Variants in FKBP7 observed in about 807,000 individuals in gnomAD.
The protein encoded by FKBP7 is FKBP prolyl isomerase 7, also known as peptidyl-prolyl cis-trans isomerase FKBP7.
In FKBP7, 24 loss-of-function variants were observed where a neutral mutation model predicts 24.3. The ratio of observed to expected loss-of-function variants is 0.99; its 90% CI spans 0.72 to 1.39. FKBP7 has a LOEUF of 1.39. Among genes scored for constraint, FKBP7 ranks in the 40% most tolerant of loss-of-function variants. FKBP7 has a pLI of 0.00. For synonymous variants in FKBP7, 98 were observed against 92.8 expected (o/e 1.06, Z -0.32); for missense variants, 257 against 269.5 (o/e 0.95, Z 0.33).
intron 3 of FKBP7, among the ~76,000 whole-genome samples, chr2:178,466,930 C>T (rs1684679478): frequency 6.6e-6 from 1 of 152,098 alleles, no homozygotes; most frequent in South Asian, 2.1e-4. Flanking sequence ...CAATACATAT[C>T]CCAGGGTCAA....
At chr2:178,469,865 T>C (rs1401565848) in intron 2 of FKBP7, 80 bp from the exon 3 acceptor site, 11 of 1,136,680 alleles carry the variant, frequency 9.7e-6, no homozygotes, top group Non-Finnish European at 1.3e-5. Context: ...ATAACCATAT[T>C]ATATTATTTC....
chr2:178,477,288 T>C, intron 1 of FKBP7, 75 bp from the exon 2 acceptor site: 1 of 1,466,604 alleles, frequency 6.8e-7, no homozygotes, highest in South Asian at 1.2e-5. Context: ...GCATTTAAAA[T>C]TGGAGTCCTC....
chr2:178,470,887 A>G (rs1397199055), intron 2 of FKBP7, among the ~76,000 whole-genome samples: 1 of 151,830 alleles, frequency 6.6e-6, no homozygotes. Flanking sequence ...ATTTTTATTT[A>G]TTTTTTTTGA....
intron 1 of FKBP7, 74 bp downstream of exon 1, chr2:178,478,205 T>C: frequency 2.6e-6 from 4 of 1,550,400 alleles, no homozygotes; most frequent in Admixed American, 3.7e-5. Flanking sequence ...AACCAACCAA[T>C]GAGGCTTCCG....
chr2:178,472,266 G>T (rs1212293393), intron 2 of FKBP7, among the ~76,000 whole-genome samples: 1 of 151,704 alleles, frequency 6.6e-6, no homozygotes, highest in East Asian at 1.9e-4. Context: ...GTAGATACGG[G>T]GTTTCACTAT....
rs878893301 is a variant in FKBP7 at position 178,469,879 on chromosome 2, TTGA to T, written c.374-97_374-95del. The T allele has an allele frequency of 1.5e-5, 14 of 955,424 alleles. No homozygotes were observed. In the South Asian group the frequency reaches 2.9e-4, roughly 20 times the overall value. 59.2% of individuals were successfully genotyped at this position (955,424 alleles called of 1,614,324 possible). ...CATAACCATATTATATTATTTCATG[TTGA>T]TAAGAATTGCTATCTGAATACTCAC... On this transcript the variant is annotated intron_variant, in intron 2 of 3. Transcript: ENST00000424785.
At chr2:178,469,530 C>T in intron 3 of FKBP7, 122 bp downstream of exon 3, 1 of 998,650 alleles carries the variant, frequency 1.0e-6, no homozygotes. Flanking sequence ...TAGTGACCAG[C>T]TCTATAAAAG....
At chr2:178,474,918 G>A (rs1247627178) in intron 2 of FKBP7, among the ~76,000 whole-genome samples, 1 of 152,052 alleles carries the variant, frequency 6.6e-6, no homozygotes, top group Admixed American at 6.5e-5. Flanking sequence ...AGACTCCTGG[G>A]CTCAAGTGAT....
chr2:178,469,038 T>C (rs1282881860), intron 3 of FKBP7, among the ~76,000 whole-genome samples: 1 of 151,812 alleles, frequency 6.6e-6, no homozygotes, highest in Non-Finnish European at 1.5e-5. Flanking sequence ...CTGGCTAATT[T>C]ATTAAATCTT....
chr2:178,478,482 A>G lies in FKBP7; in HGVS notation c.18T>C (p.His6=). MPKTM[H]FLFRFIVFFY... is the part of the protein sequence containing the mutation. ...AGAAAACAATGAATCTGAATAAGAA[A>G]TGCATGGTTTTTGGCATCGGCTCCA... is the stretch of plus-strand genomic sequence containing the variant. The change falls in exon 1 of 4, where the codon CAT becomes CAC. Residue 6 remains histidine, a synonymous_variant. Coordinates refer to ENST00000424785, the MANE Select transcript of FKBP7 (RefSeq NM_181342.3). The G allele has an allele frequency of 6.2e-7, 1 of 1,614,110 alleles. No homozygotes were observed.
intron 3 of FKBP7, 43 bp from the exon 4 acceptor site, chr2:178,465,974 A>C: frequency 6.7e-7 from 1 of 1,501,500 alleles, no homozygotes; most frequent in Non-Finnish European, 8.9e-7. Flanking sequence ...AAGGTATCAC[A>C]GTGAATTTCC....
At chr2:178,477,600 T>C (rs1685046006) in intron 1 of FKBP7, among the ~76,000 whole-genome samples, 1 of 152,066 alleles carries the variant, frequency 6.6e-6, no homozygotes, top group Non-Finnish European at 1.5e-5. Context: ...TAATTTAAAA[T>C]GGTATATTTT....
chr2:178,472,048 A>C (rs1394772835), intron 2 of FKBP7, among the ~76,000 whole-genome samples: 1 of 151,944 alleles, frequency 6.6e-6, no homozygotes, highest in Non-Finnish European at 1.5e-5. Flanking sequence ...AGGCAAACTC[A>C]AAACACAAAT....
chr2:178,476,969 G>T (rs776888794), intron 2 of FKBP7, 93 bp downstream of exon 2: 3 of 909,256 alleles, frequency 3.3e-6, no homozygotes, highest in Non-Finnish European at 4.9e-6. Flanking sequence ...CTTTGAGACT[G>T]TGCTTTCAAT....
At chr2:178,466,594 A>G (rs1051244869) in intron 3 of FKBP7, among the ~76,000 whole-genome samples, 1 of 152,188 alleles carries the variant, frequency 6.6e-6, no homozygotes, top group African/African-American at 2.4e-5. Flanking sequence ...TACTATAAAT[A>G]TAAAATATAT....
chr2:178,476,431 C>T (rs1260745672), intron 2 of FKBP7, among the ~76,000 whole-genome samples: 2 of 152,134 alleles, frequency 1.3e-5, no homozygotes, highest in African/African-American at 2.4e-5. Context: ...GCTTACACTA[C>T]CATGCAACCA....
chr2:178,464,046 A>T lies in FKBP7; in HGVS notation c.*1724T>A, dbSNP rs1684590455. ...AAAAGATAGTACAGATTCTTGTTTT[A>T]TAAGGTGTCAAATTATGTGCTAGCC... is the stretch of plus-strand genomic sequence containing the variant. On this transcript the variant is annotated 3_prime_UTR_variant, in exon 4 of 4. Coordinates refer to ENST00000424785, the MANE Select transcript of FKBP7 (RefSeq NM_181342.3). The T allele has an allele frequency of 6.6e-6, 1 of 152,254 alleles. No individual in the cohort carries two copies. The highest frequency in any genetic ancestry group is 2.4e-5 in the African/African-American group (1 of 41,474). The allele number at this position is 152,254 out of a possible 1,614,324, so 9.4% of individuals were successfully genotyped here. A position where few individuals can be genotyped will look rare whatever the true frequency, so the allele number is the denominator to read the frequency against.
In FKBP7 at chr2:178,465,875, T is replaced by C. The variant is rs767299112; in HGVS notation, c.564A>G (p.Ser188=). Residue 188 remains serine (S), a synonymous_variant, in exon 4 of 4, where the codon TCA becomes TCG. Coordinates refer to ENST00000424785, the MANE Select transcript of FKBP7 (RefSeq NM_181342.3). ...FEKDEKPRDK[S]YQDAVLEDIF... Reference sequence around the variant, plus strand: ...TATCTTCTAAAACTGCATCCTGATATGACTTGTCACGTGGCTTCTCATCTT... The same window carrying C: ...TATCTTCTAAAACTGCATCCTGATACGACTTGTCACGTGGCTTCTCATCTT... 1.2e-6 allele frequency: 2 copies of C among 1,610,786 alleles called. No individual in the cohort carries two copies. The highest frequency in any genetic ancestry group is 1.7e-6 in the Non-Finnish European group (2 of 1,178,902).
chr2:178,465,895 C>T lies in FKBP7; in HGVS notation c.544G>A (p.Glu182Lys), dbSNP rs1365778021. The change falls in exon 4 of 4, where the codon GAG becomes AAG. Residue 182 changes from glutamate to lysine, a missense_variant. Physicochemically the swap from Glu to Lys is moderately conservative, Grantham distance 56. Coordinates refer to ENST00000424785, the MANE Select transcript of FKBP7 (RefSeq NM_181342.3). ...TGATATGACTTGTCACGTGGCTTCT[C>T]ATCTTTTTCAAATTCCCTTTGCAAG... is the stretch of plus-strand genomic sequence containing the variant. ...LYLQREFEKD[E>K]KPRDKSYQDA... 6.2e-7 allele frequency: 1 copy of T among 1,604,002 alleles called. No individual in the cohort carries two copies. Among genetic ancestry groups the T allele is most frequent in the South Asian group, 1.1e-5 (1 of 88,246 alleles).
Sources: allele counts gnomAD v4.1 joint callset (sites outside exome capture counted in the v4.1 genomes callset), GRCh38; gene constraint gnomAD v4.1.1; transcripts MANE v1.5; gene names NCBI Gene and HGNC (gene_info 2026-07-23, HGNC 2026-07-21).